Variants in BMAL1 observed in about 807,000 individuals in gnomAD.
The protein encoded by BMAL1 is basic helix-loop-helix ARNT like 1.
chr11:13,386,875 A>G, the BMAL1 span: 1 of 1,225,402 alleles, frequency 8.2e-7, no homozygotes, highest in Non-Finnish European at 1.1e-6. Context: ...ACTTCATAAA[A>G]GCCATCTCAG....
At chr11:13,339,897 A>G in the BMAL1 span, among the ~76,000 whole-genome samples, 398 of 152,188 alleles carry the variant, frequency 2.6e-3, 1 homozygote, top group African/African-American at 8.9e-3. Context: ...GGATTTTTAT[A>G]TCCCTACCCC....
At chr11:13,385,493 A>G in the BMAL1 span, among the ~76,000 whole-genome samples, 1 of 152,184 alleles carries the variant, frequency 6.6e-6, no homozygotes, top group Non-Finnish European at 1.5e-5. Flanking sequence ...ACTAAAATGG[A>G]GAGAAAAGAA....
the BMAL1 span, among the ~76,000 whole-genome samples, chr11:13,322,218 C>T: frequency 6.6e-6 from 1 of 152,162 alleles, no homozygotes; most frequent in Non-Finnish European, 1.5e-5. Flanking sequence ...ACGTCGGCTT[C>T]CTTCCTTCTG....
chr11:13,284,136 ATATATATGTG>A, the BMAL1 span, among the ~76,000 whole-genome samples: 1,048 of 68,276 alleles, frequency 0.015, 73 homozygotes, highest in African/African-American at 0.036. Context: ...GTGTATATAT[ATATATATGTG>A]TATATATATA....
chr11:13,357,011 T>A, the BMAL1 span: 2 of 1,613,820 alleles, frequency 1.2e-6, no homozygotes, highest in Non-Finnish European at 8.5e-7. The surrounding 1 kb of genome is among the most constrained non-coding windows in gnomAD (Gnocchi z 4.8). Context: ...GCCATTCATC[T>A]CCAGAGAATT....
the BMAL1 span, among the ~76,000 whole-genome samples, chr11:13,384,664 GA>G: frequency 6.6e-6 from 1 of 152,104 alleles, no homozygotes; most frequent in Non-Finnish European, 1.5e-5. Context: ...AGACTGAATG[GA>G]AAAACATATA....
At chr11:13,346,110 C>T in the BMAL1 span, among the ~76,000 whole-genome samples, 28 of 152,228 alleles carry the variant, frequency 1.8e-4, no homozygotes, top group Non-Finnish European at 1.5e-5. Flanking sequence ...CATCCAGGGC[C>T]TTGGCTAAAG....
the BMAL1 span, among the ~76,000 whole-genome samples, chr11:13,337,864 TCAGA>T: frequency 6.6e-6 from 1 of 152,180 alleles, no homozygotes; most frequent in South Asian, 2.1e-4. Flanking sequence ...AGCTTTGGAG[TCAGA>T]CAGAGCTGGG....
chr11:13,382,170 T>C, the BMAL1 span, among the ~76,000 whole-genome samples: 1 of 152,174 alleles, frequency 6.6e-6, no homozygotes, highest in Non-Finnish European at 1.5e-5. Context: ...GAAATCCTGC[T>C]TCTACAAGGG....
chr11:13,382,514 C>A, the BMAL1 span, among the ~76,000 whole-genome samples: 2 of 152,086 alleles, frequency 1.3e-5, no homozygotes, highest in African/African-American at 2.4e-5. Context: ...CCCCGCCCCC[C>A]TGCCCACAAC....
chr11:13,299,625 G>T, the BMAL1 span, among the ~76,000 whole-genome samples: 1 of 152,124 alleles, frequency 6.6e-6, no homozygotes, highest in African/African-American at 2.4e-5. Context: ...GAGGGCCCTG[G>T]GAGAGAAGCT....
the BMAL1 span, chr11:13,276,707 G>C: frequency 6.6e-6 from 1 of 152,134 alleles, no homozygotes; most frequent in Admixed American, 6.5e-5. Context: ...CGAAAAAGAA[G>C]ACGCTGTCCT....
At chr11:13,282,315 A>T in the BMAL1 span, among the ~76,000 whole-genome samples, 2 of 152,168 alleles carry the variant, frequency 1.3e-5, no homozygotes, top group African/African-American at 2.4e-5. Flanking sequence ...CCTACATCAG[A>T]GAGTTGAGGT....
chr11:13,307,977 T>C, the BMAL1 span, among the ~76,000 whole-genome samples: 2 of 152,230 alleles, frequency 1.3e-5, no homozygotes, highest in South Asian at 4.1e-4. Flanking sequence ...CTGTTCAGAA[T>C]AGACTATGGG....
chr11:13,383,041 A>G, the BMAL1 span, among the ~76,000 whole-genome samples: 1 of 152,240 alleles, frequency 6.6e-6, no homozygotes, highest in Admixed American at 6.5e-5. Flanking sequence ...GGGCAGCAGG[A>G]CTTATAAGAA....
At chr11:13,350,680 G>A in the BMAL1 span, among the ~76,000 whole-genome samples, 4 of 152,144 alleles carry the variant, frequency 2.6e-5, no homozygotes, top group African/African-American at 9.7e-5. Flanking sequence ...CTATCCATTA[G>A]AGGGAAATAA....
At chr11:13,289,074 A>C in the BMAL1 span, among the ~76,000 whole-genome samples, 1 of 152,234 alleles carries the variant, frequency 6.6e-6, no homozygotes, top group Non-Finnish European at 1.5e-5. Flanking sequence ...TTAATGTCTC[A>C]AACTGAGCCT....
chr11:13,356,884 G>A, the BMAL1 span: 1 of 1,597,788 alleles, frequency 6.3e-7, no homozygotes, highest in South Asian at 1.1e-5. Flanking sequence ...AACTGGAGAT[G>A]AGCAAGGAGG....
chr11:13,303,854 C>T, the BMAL1 span, among the ~76,000 whole-genome samples: 1 of 152,062 alleles, frequency 6.6e-6, no homozygotes, highest in Admixed American at 6.5e-5. Context: ...CCATGTGCCG[C>T]CTAAAAAAAG....
Sources: gnomAD v4.1 joint callset for allele counts (sites outside exome capture counted in the v4.1 genomes callset) on GRCh38, gnomAD v4.1.1 for gene constraint, Gnocchi (gnomAD v3.1) non-coding constraint, MANE v1.5 for transcripts, NCBI Gene and HGNC (gene_info 2026-07-23, HGNC 2026-07-21) for gene names.